LNX2: variants seen among roughly 807,000 people sequenced by gnomAD.
LNX2 encodes the protein ligand of Numb protein X 2.
LNX2 carries 35 observed loss-of-function variants against 66.2 expected under a neutral mutation model. That is an observed-to-expected ratio of 0.53 (90% CI 0.40 to 0.70). The LOEUF is 0.70. LNX2 is among the 30% of genes least tolerant of loss of function. The pLI, the probability that LNX2 is intolerant of heterozygous loss-of-function variation, is 0.00. For missense variants in LNX2, 791 were observed against 850.8 expected (o/e 0.93, Z 0.87); for synonymous variants, 337 against 315.6 (o/e 1.07, Z -0.72).
At chr13:27,592,193 G>A (rs1330718201) in intron 1 of LNX2, among the ~76,000 whole-genome samples, 1 of 152,186 alleles carries the variant, frequency 6.6e-6, no homozygotes, top group Non-Finnish European at 1.5e-5. Flanking sequence ...AAAGGCAGAA[G>A]CAATTAAAAG....
Position 27,562,661 on chromosome 13 carries a change from T to C in LNX2, c.976A>G (p.Asn326Asp). Reference protein sequence around the residue: ...RERRFGNRAHNHSDSNSPREE... With the variant: ...RERRFGNRAHDHSDSNSPREE... ...CGTGGAGAGTTACTATCAGAATGGT[T>C]GTGTGCTCGGTTGCCAAAGCGCCTC... The change falls in exon 5 of 10, where the codon AAC becomes GAC. Residue 326 changes from asparagine (N) to aspartate (D), a missense_variant. Physicochemically the swap from Asn to Asp is conservative, Grantham distance 23. Transcript: ENST00000316334. The C allele has an allele frequency of 1.2e-6, 2 of 1,614,180 alleles. No individual in the cohort carries two copies. The highest frequency in any genetic ancestry group is 1.7e-6 in the Non-Finnish European group (2 of 1,180,012).
At chr13:27,560,442 G>C (rs1375815221) in intron 5 of LNX2, among the ~76,000 whole-genome samples, 1 of 151,968 alleles carries the variant, frequency 6.6e-6, no homozygotes, top group African/African-American at 2.4e-5. Context: ...AAATCATAAT[G>C]AAATTCTGCA....
chr13:27,578,712 C>T (rs1955366951), intron 2 of LNX2, among the ~76,000 whole-genome samples: 1 of 152,166 alleles, frequency 6.6e-6, no homozygotes, highest in Non-Finnish European at 1.5e-5. Flanking sequence ...TGACAAGTCC[C>T]ACGCACCTAG....
chr13:27,560,565 G>GTGTATATATATATATATATATATA (rs35007288), intron 5 of LNX2, among the ~76,000 whole-genome samples: 88 of 119,992 alleles, frequency 7.3e-4, no homozygotes, highest in Admixed American at 1.7e-3. Context: ...ATGTATGTGT[G>GTGTATATATATATATATATATATA]TATATATATA....
chr13:27,553,660 C>T (rs2138318319), intron 7 of LNX2, among the ~76,000 whole-genome samples: 1 of 152,012 alleles, frequency 6.6e-6, no homozygotes. Context: ...TGTCATAATA[C>T]ATAGAAAAAA....
In LNX2 at chr13:27,610,059, T is replaced by C. The variant is rs143544671; in HGVS notation, c.-101+10316A>G. Among the ~76,000 whole-genome samples, 720 of 152,304 alleles carry C rather than the reference T, an allele frequency of 4.7e-3. 2 individuals carry two copies. The highest frequency in any genetic ancestry group is 0.016 in the African/African-American group (661 of 41,568). On this transcript the variant is annotated intron_variant, in intron 1 of 9. Coordinates refer to ENST00000316334, the MANE Select transcript of LNX2 (RefSeq NM_153371.4). ...CCATGAGATTAATAAATATTTCATG[T>C]GGGAACTAATTGCTATGGACACTTG... is the stretch of plus-strand genomic sequence containing the variant.
In LNX2 at chr13:27,547,625, G is replaced by A. The variant is rs1954956206; in HGVS notation, c.*710C>T. ...TAATCCCAGCACTTTGGGAGGCTGA[G>A]GCGGGCAGATCACAAGGTCAGGAGA... is the stretch of plus-strand genomic sequence containing the variant. On this transcript the variant is annotated 3_prime_UTR_variant, in exon 10 of 10. Coordinates refer to ENST00000316334, the MANE Select transcript of LNX2 (RefSeq NM_153371.4). 2 of 152,278 alleles carry A rather than the reference G, an allele frequency of 1.3e-5. No individual in the cohort carries two copies. The highest frequency in any genetic ancestry group is 2.4e-5 in the African/African-American group (1 of 41,470). 9.4% of individuals were successfully genotyped at this position (152,278 alleles called of 1,614,324 possible).
chr13:27,554,523 A>G (rs754104908), intron 7 of LNX2, among the ~76,000 whole-genome samples: 2 of 152,162 alleles, frequency 1.3e-5, no homozygotes, highest in African/African-American at 2.4e-5. Context: ...TTTTACTTGC[A>G]TAATATTTTC....
At chr13:27,586,002 TTA>T (rs74967249) in intron 1 of LNX2, among the ~76,000 whole-genome samples, 64,479 of 130,780 alleles carry the variant, frequency 0.49, 15,299 homozygotes, top group African/African-American at 0.65. Context: ...ATATATACAC[TTA>T]TATATATATA....
intron 2 of LNX2, among the ~76,000 whole-genome samples, chr13:27,576,877 A>G (rs1955345609): frequency 6.6e-6 from 1 of 152,216 alleles, no homozygotes; most frequent in Admixed American, 6.5e-5. Context: ...CGTACATGTA[A>G]ATTTTTGTGA....
chr13:27,573,622 G>C (rs79163343), intron 2 of LNX2, among the ~76,000 whole-genome samples: 392 of 152,182 alleles, frequency 2.6e-3, no homozygotes, highest in African/African-American at 7.6e-3. Context: ...TGAGTGTTGA[G>C]GGTGTGGCAT....
intron 4 of LNX2, among the ~76,000 whole-genome samples, chr13:27,566,637 T>C (rs1349987179): frequency 1.3e-5 from 2 of 152,164 alleles, no homozygotes; most frequent in South Asian, 2.1e-4. Flanking sequence ...GAGGCAGAAG[T>C]ATATGATGGG....
chr13:27,562,683 CCT>C lies in LNX2; in HGVS notation c.952_953del (p.Arg318AlafsTer11), dbSNP rs765104330. 1.2e-6 allele frequency: 2 copies of C among 1,614,180 alleles called. No homozygotes were observed. The highest frequency in any genetic ancestry group is 1.7e-6 in the Non-Finnish European group (2 of 1,180,018). On this transcript the variant is annotated frameshift_variant, in exon 5 of 10. Coordinates refer to ENST00000316334, the MANE Select transcript of LNX2 (RefSeq NM_153371.4). LOFTEE classifies it high-confidence loss of function. ...GGTTGTGTGCTCGGTTGCCAAAGCG[CCT>C]CTCTCGAAGCACAGTAAGATGCAGT... ...NTLHLTVLRE[R>X]RFGNRAHNHS...
In LNX2 at chr13:27,546,754, T is replaced by G. The variant is rs1954944127; in HGVS notation, c.*1581A>C. The G allele has an allele frequency of 6.6e-6, 1 of 152,178 alleles. No individual in the cohort carries two copies. The highest frequency in any genetic ancestry group is 1.5e-5 in the Non-Finnish European group (1 of 68,010). The allele number at this position is 152,178 out of a possible 1,614,324, so 9.4% of individuals were successfully genotyped here. A position where few individuals can be genotyped will look rare whatever the true frequency, so the allele number is the denominator to read the frequency against. ...TTTATTACAGAGGTCACTTGTAAAT[T>G]TGCTCAGATTCTGAACTAGGTTTCT... On this transcript the variant is annotated 3_prime_UTR_variant, in exon 10 of 10. Transcript: ENST00000316334.
Position 27,547,374 on chromosome 13 carries a change from C to A in LNX2, c.*961G>T, listed in dbSNP as rs1270236677. ...CTAACATTAAGTTATAATTATCATCCAAATTCCTTTGTAACTGGATAACAT... is the reference window on the plus strand; with the variant it reads ...CTAACATTAAGTTATAATTATCATCAAAATTCCTTTGTAACTGGATAACAT... On this transcript the variant is annotated 3_prime_UTR_variant, in exon 10 of 10. Coordinates refer to ENST00000316334, the MANE Select transcript of LNX2 (RefSeq NM_153371.4). 1 of 152,134 alleles carries A rather than the reference C, an allele frequency of 6.6e-6. No individual in the cohort carries two copies. The highest frequency in any genetic ancestry group is 1.5e-5 in the Non-Finnish European group (1 of 68,030). 9.4% of individuals were successfully genotyped at this position (152,134 alleles called of 1,614,324 possible). A position where few individuals can be genotyped will look rare whatever the true frequency, so the allele number is the denominator to read the frequency against.
chr13:27,557,296 A>T (rs1955074040), intron 6 of LNX2, among the ~76,000 whole-genome samples: 1 of 152,070 alleles, frequency 6.6e-6, no homozygotes, highest in Non-Finnish European at 1.5e-5. Context: ...GATGAAACAA[A>T]CTTAGGGAGG....
At chr13:27,556,603 T>C (rs1368079395) in intron 6 of LNX2, among the ~76,000 whole-genome samples, 190 bp from the exon 7 acceptor site, 8 of 152,248 alleles carry the variant, frequency 5.3e-5, no homozygotes. Context: ...TTTTGGACTA[T>C]GTTATTTTCA....
intron 5 of LNX2, among the ~76,000 whole-genome samples, chr13:27,560,982 T>C (rs779364860): frequency 1.9e-4 from 29 of 152,196 alleles, no homozygotes; most frequent in Non-Finnish European, 3.1e-4. Context: ...TGGTCTCCTT[T>C]TAAGACATGG....
chr13:27,566,344 A>C (rs76956886), intron 4 of LNX2, among the ~76,000 whole-genome samples: 2 of 152,168 alleles, frequency 1.3e-5, no homozygotes, highest in Non-Finnish European at 2.9e-5. Context: ...TGGCTCTTCC[A>C]CTAGATTGTA....
Sources: allele counts gnomAD v4.1 joint callset (sites outside exome capture counted in the v4.1 genomes callset), GRCh38; gene constraint gnomAD v4.1.1; transcripts MANE v1.5; gene names NCBI Gene and HGNC (gene_info 2026-07-23, HGNC 2026-07-21).